The following TAOK1 variants were observed in gnomAD, a reference collection of about 807,000 sequenced individuals.
The protein encoded by TAOK1 is TAO kinase 1, also known as serine/threonine-protein kinase TAO1.
A neutral mutation model predicts 138.3 loss-of-function variants in TAOK1; 21 were observed. That is an observed-to-expected ratio of 0.15 (90% CI 0.11 to 0.22). The LOEUF is 0.22. Among genes scored for constraint, TAOK1 ranks in the 10% least tolerant of loss-of-function variants. The pLI, the probability that TAOK1 is intolerant of heterozygous loss-of-function variation, is 1.00. For synonymous variants in TAOK1, 361 were observed against 398.4 expected (o/e 0.91, Z 1.12); for missense variants, 651 against 1,227.7 (o/e 0.53, Z 7.02).
At chr17:29,404,568 G>C (rs1241875043) in intron 1 of TAOK1, among the ~76,000 whole-genome samples, 1 of 152,148 alleles carries the variant, frequency 6.6e-6, no homozygotes, top group African/African-American at 2.4e-5. Context: ...GAGACAAGGG[G>C]ATCGCTTGAG....
rs144713680 is a variant in TAOK1, at chr17:29,412,143, A to G, written c.-95+21119A>G. ...CTGCAACCTCCATCTCCCAGGTTCA[A>G]GCGATTCTCCTGCCTCGGCCTCCCG... On this transcript the variant is annotated intron_variant, in intron 1 of 19. Coordinates refer to ENST00000261716, the MANE Select transcript of TAOK1 (RefSeq NM_020791.4). 6.8e-3 allele frequency among the ~76,000 whole-genome samples: 1,029 copies of G among 151,992 alleles called. 12 individuals carry two copies. Among genetic ancestry groups the G allele is most frequent in the Admixed American group, 0.014 (213 of 15,240 alleles).
At chr17:29,408,591 C>G (rs1402798892) in intron 1 of TAOK1, among the ~76,000 whole-genome samples, 1 of 152,134 alleles carries the variant, frequency 6.6e-6, no homozygotes, top group African/African-American at 2.4e-5. Context: ...ATGTACAGAT[C>G]AGTGGCTGTA....
rs1472553618 is a variant in TAOK1, at chr17:29,495,593, G to A, written c.865G>A (p.Val289Met). The A allele has an allele frequency of 4.3e-6, 7 of 1,609,512 alleles. No individual in the cohort carries two copies. The highest frequency in any genetic ancestry group is 1.7e-5 in the Admixed American group (1 of 59,866). ...TGTTCTTCGGGAGCGCCCTGAAACC[G>A]TGTTAATAGATCTCATTCAGAGGAC... The part of the protein sequence containing the change: ...IFVLRERPET[V>M]LIDLIQRTKD... The change falls in exon 11 of 20, where the codon GTG becomes ATG. Residue 289 changes from valine to methionine, a missense_variant. Transcript: ENST00000261716.
intron 10 of TAOK1, 105 bp downstream of exon 10, chr17:29,491,970 G>GC: frequency 1.3e-6 from 1 of 787,776 alleles, no homozygotes; most frequent in Non-Finnish European, 2.1e-6. Flanking sequence ...CTGCAGCCTT[G>GC]ACCTCCCAGG....
At chr17:29,533,380 C>A (rs2032162934) in intron 18 of TAOK1, among the ~76,000 whole-genome samples, 1 of 151,128 alleles carries the variant, frequency 6.6e-6, no homozygotes, top group South Asian at 2.1e-4. Flanking sequence ...CAGAGGGGCT[C>A]CTCACATCCC....
rs1312773516 is a variant in TAOK1 at position 29,498,322 on chromosome 17, A to C, written c.1004A>C (p.Gln335Pro). The C allele has an allele frequency of 1.2e-6, 2 of 1,614,160 alleles. No individual in the cohort carries two copies. The highest frequency in any genetic ancestry group is 8.5e-7 in the Non-Finnish European group (1 of 1,180,014). Residue 335 changes from glutamine (Q) to proline (P), a missense_variant, in exon 12 of 20, where the codon CAA becomes CCA. Physicochemically the swap from Gln to Pro is moderately conservative, Grantham distance 76. Transcript: ENST00000261716. ...AVEAQEEEEE[Q>P]DHGVGRTGTV... ...CTGAATGTCCTTTTCTCTTAGGAAC[A>C]AGATCATGGTGTTGGCCGGACAGGA...
At chr17:29,409,535 A>G (rs1309245716) in intron 1 of TAOK1, among the ~76,000 whole-genome samples, 1 of 151,468 alleles carries the variant, frequency 6.6e-6, no homozygotes, top group Non-Finnish European at 1.5e-5. Context: ...GGGTTTCACC[A>G]TGTTAGTCAG....
chr17:29,417,316 C>T (rs187078806), intron 1 of TAOK1, among the ~76,000 whole-genome samples: 76 of 152,254 alleles, frequency 5.0e-4, no homozygotes, highest in Non-Finnish European at 9.7e-4. Context: ...CGCCCAGCCC[C>T]TTCCCTCCAT....
chr17:29,481,784 T>C (rs1309856206), intron 7 of TAOK1, among the ~76,000 whole-genome samples: 8 of 151,538 alleles, frequency 5.3e-5, no homozygotes, highest in Non-Finnish European at 7.4e-5. Context: ...ACGGTGAAAC[T>C]CCATCTCTAC....
At chr17:29,393,118 T>A (rs1384713936) in intron 1 of TAOK1, among the ~76,000 whole-genome samples, 2 of 152,200 alleles carry the variant, frequency 1.3e-5, no homozygotes, top group Non-Finnish European at 2.9e-5. Flanking sequence ...GTTGTTGATA[T>A]GTAGAGTTTT....
intron 2 of TAOK1, among the ~76,000 whole-genome samples, chr17:29,457,645 A>T (rs1485763010): frequency 2.0e-5 from 3 of 150,378 alleles, no homozygotes; most frequent in African/African-American, 7.3e-5. Flanking sequence ...ACCTCAAGCG[A>T]TCCACCCATC....
intron 19 of TAOK1, among the ~76,000 whole-genome samples, chr17:29,539,848 C>G (rs919137085): frequency 2.0e-5 from 3 of 152,196 alleles, no homozygotes; most frequent in Admixed American, 6.5e-5. Flanking sequence ...CCACTGCACT[C>G]CAGCCTGGGT....
At chr17:29,412,546 A>G (rs1905173069) in intron 1 of TAOK1, among the ~76,000 whole-genome samples, 1 of 152,114 alleles carries the variant, frequency 6.6e-6, no homozygotes, top group African/African-American at 2.4e-5. Context: ...CCAGTTTAGT[A>G]CTTAATGAGA....
At chr17:29,427,501 CA>C (rs1403413421) in intron 1 of TAOK1, among the ~76,000 whole-genome samples, 2 of 133,388 alleles carry the variant, frequency 1.5e-5, no homozygotes, top group African/African-American at 2.9e-5. Context: ...GAGGCTGACA[CA>C]GGGGGATCGC....
At chr17:29,539,389 C>CA (rs1407193364) in intron 19 of TAOK1, among the ~76,000 whole-genome samples, 2 of 152,118 alleles carry the variant, frequency 1.3e-5, no homozygotes, top group African/African-American at 4.8e-5. Context: ...ACCAAAAATA[C>CA]AAAAAATTAG....
At chr17:29,494,825 CAAAAAAAAAA>C (rs368548444) in intron 10 of TAOK1, among the ~76,000 whole-genome samples, 76 of 48,304 alleles carry the variant, frequency 1.6e-3, no homozygotes, top group Admixed American at 3.1e-3. Context: ...GACTCCGTCT[CAAAAAAAAAA>C]AAAAAAAAAA....
chr17:29,498,609 A>G, intron 12 of TAOK1, 88 bp downstream of exon 12: 1 of 1,495,424 alleles, frequency 6.7e-7, no homozygotes, highest in Non-Finnish European at 9.2e-7. Flanking sequence ...GAAGGAAGAT[A>G]AGGAAGTTTC....
chr17:29,503,713 G>T (rs1267588680), intron 13 of TAOK1, among the ~76,000 whole-genome samples: 4 of 152,186 alleles, frequency 2.6e-5, no homozygotes, highest in African/African-American at 9.7e-5. Context: ...GGTAGCTCAT[G>T]CCTGTAATTG....
chr17:29,394,861 G>C (rs1230332831), intron 1 of TAOK1, among the ~76,000 whole-genome samples: 1 of 152,162 alleles, frequency 6.6e-6, no homozygotes, highest in Non-Finnish European at 1.5e-5. Context: ...TTGGGAGGCT[G>C]AGGTGGGAGG....
Sources: allele counts gnomAD v4.1 joint callset (sites outside exome capture counted in the v4.1 genomes callset), GRCh38; gene constraint gnomAD v4.1.1; transcripts MANE v1.5; gene names NCBI Gene and HGNC (gene_info 2026-07-23, HGNC 2026-07-21).